Variants in MITD1 observed in about 807,000 individuals in gnomAD.
MITD1 encodes microtubule interacting and trafficking domain containing 1.
MITD1 carries 24 observed loss-of-function variants against 34.9 expected under a neutral mutation model. That is an observed-to-expected ratio of 0.69 (90% CI 0.50 to 0.97). MITD1 has a LOEUF of 0.97. MITD1 is among the 50% of genes least tolerant of loss of function. The pLI, the probability that MITD1 is intolerant of heterozygous loss-of-function variation, is 0.00. For synonymous variants in MITD1, 102 were observed against 101.4 expected (o/e 1.01, Z -0.04); for missense variants, 266 against 294.6 (o/e 0.90, Z 0.71).
At chr2:99,173,109 A>T (rs1169884415) in intron 2 of MITD1, 1 of 159,122 alleles carries the variant, frequency 6.3e-6, no homozygotes, top group Non-Finnish European at 1.4e-5. Context: ...GTAAAATTTC[A>T]TTCTAAATTT....
rs964379401 is a variant in MITD1 at position 99,171,458 on chromosome 2, A to C, written c.391-29T>G. 4.4e-6 allele frequency: 7 copies of C among 1,596,484 alleles called. No homozygotes were observed. The African/African-American group carries it at 6.7e-5, about 15-fold the overall frequency. On this transcript the variant is annotated intron_variant, in intron 3 of 6. Transcript: ENST00000289359. ...AAAGACATTAGAATGGATTATTACT[A>C]ATTTAGTACATTGAATATGATATTT...
intron 2 of MITD1, 152 bp downstream of exon 2, chr2:99,173,763 G>A (rs1443533322): frequency 3.0e-6 from 2 of 660,652 alleles, no homozygotes; most frequent in Non-Finnish European, 5.4e-6. Flanking sequence ...AACAACTCCT[G>A]TATGGGAGTG....
chr2:99,173,315 G>A (rs1435765774), intron 2 of MITD1: 1 of 330,088 alleles, frequency 3.0e-6, no homozygotes, highest in East Asian at 7.5e-5. Context: ...ATAGAAAGCA[G>A]CAAGTATGCA....
exon 8 of MITD1, chr2:99,162,060 C>T (rs757863480): frequency 1.2e-6 from 2 of 1,614,070 alleles, no homozygotes; most frequent in South Asian, 2.2e-5. Context: ...GCTCATTTTA[C>T]AGTCAATTTC....
At chr2:99,170,134 G>C (rs1186314717) in intron 5 of MITD1, among the ~76,000 whole-genome samples, 1 of 152,160 alleles carries the variant, frequency 6.6e-6, no homozygotes, top group Non-Finnish European at 1.5e-5. Flanking sequence ...TATAGACTCA[G>C]CAAATTGTCA....
chr2:99,171,222 T>C, intron 4 of MITD1, 121 bp downstream of exon 4: 1 of 736,614 alleles, frequency 1.4e-6, no homozygotes, highest in Non-Finnish European at 2.3e-6. Flanking sequence ...TGTTAGATAA[T>C]AAGTTAATTC....
chr2:99,179,297 G>C (rs1372539016), intron 1 of MITD1, among the ~76,000 whole-genome samples: 1 of 152,152 alleles, frequency 6.6e-6, no homozygotes, highest in Non-Finnish European at 1.5e-5. Context: ...CAGTATACCA[G>C]AGTCGTTGGG....
chr2:99,166,147 A>G (rs2093825617), downstream of MITD1, among the ~76,000 whole-genome samples: 1 of 152,056 alleles, frequency 6.6e-6, no homozygotes, highest in Non-Finnish European at 1.5e-5. Context: ...TTTTTTACTA[A>G]GAACACTTAA....
At chr2:99,162,760 C>G (rs2093806678) in intron 7 of MITD1, 4 of 1,614,122 alleles carry the variant, frequency 2.5e-6, no homozygotes, top group Non-Finnish European at 3.4e-6. Flanking sequence ...GAACTGCAAA[C>G]TTGGGAGTGG....
intron 2 of MITD1, chr2:99,173,473 TGA>T (rs1198230135): frequency 2.1e-6 from 1 of 470,408 alleles, no homozygotes; most frequent in African/African-American, 2.0e-5. Flanking sequence ...CAACAAAATC[TGA>T]GAGAAATCCC....
At chr2:99,174,291 A>T (rs2093874754) in intron 1 of MITD1, among the ~76,000 whole-genome samples, 1 of 152,188 alleles carries the variant, frequency 6.6e-6, no homozygotes, top group Non-Finnish European at 1.5e-5. Context: ...AAGGTGGCTC[A>T]TTACATGTCA....
At chr2:99,162,665 T>C in intron 7 of MITD1, 1 of 1,614,156 alleles carries the variant, frequency 6.2e-7, no homozygotes, top group Non-Finnish European at 8.5e-7. Context: ...CAGAGTATGC[T>C]GCTTATCATC....
chr2:99,171,193 T>G lies in MITD1; in HGVS notation c.477+150A>C, dbSNP rs990004589. Reference sequence around the variant, plus strand: ...GCATCCTAAAATCAATAACTTTTTTTATGACATGTTATGCATACTGTTAGA... The same window carrying G: ...GCATCCTAAAATCAATAACTTTTTTGATGACATGTTATGCATACTGTTAGA... On this transcript the variant is annotated intron_variant, in intron 4 of 6. Coordinates refer to ENST00000289359, the MANE Select transcript of MITD1 (RefSeq NM_138798.3). 4 of 610,088 alleles carry G rather than the reference T, an allele frequency of 6.6e-6. No individual in the cohort carries two copies. In the South Asian group the frequency reaches 9.1e-5, roughly 14 times the overall value. The allele number at this position is 610,088 out of a possible 1,614,324, so 37.8% of individuals were successfully genotyped here. A position where few individuals can be genotyped will look rare whatever the true frequency, so the allele number is the denominator to read the frequency against.
downstream of MITD1, among the ~76,000 whole-genome samples, chr2:99,167,813 A>T (rs2093833537): frequency 6.6e-6 from 1 of 152,194 alleles, no homozygotes; most frequent in African/African-American, 2.4e-5. Flanking sequence ...TTTGAGTCTA[A>T]AATTTTTCAG....
chr2:99,176,449 C>T (rs964936412), intron 1 of MITD1, among the ~76,000 whole-genome samples: 6 of 152,204 alleles, frequency 3.9e-5, no homozygotes, highest in Non-Finnish European at 5.9e-5. Context: ...CCTCAGCCTC[C>T]GGAGTAGCTG....
chr2:99,179,936 A>G (rs1178640337), intron 1 of MITD1, among the ~76,000 whole-genome samples: 2 of 152,142 alleles, frequency 1.3e-5, no homozygotes, highest in Admixed American at 6.5e-5. Context: ...AGCTTCTGTA[A>G]CACTTTAATT....
chr2:99,178,108 T>A (rs2093897597), intron 1 of MITD1, among the ~76,000 whole-genome samples: 1 of 152,218 alleles, frequency 6.6e-6, no homozygotes, highest in Non-Finnish European at 1.5e-5. Flanking sequence ...TTGGGTTGAT[T>A]CCCTATCTTA....
chr2:99,177,278 C>G (rs1227507649), intron 1 of MITD1, among the ~76,000 whole-genome samples: 1 of 152,166 alleles, frequency 6.6e-6, no homozygotes, highest in Non-Finnish European at 1.5e-5. Context: ...CAGGCTTGGA[C>G]CCTTACAGCC....
At chr2:99,168,013 T>C (rs1186511549), downstream of MITD1, among the ~76,000 whole-genome samples, 2 of 152,198 alleles carry the variant, frequency 1.3e-5, no homozygotes, top group Non-Finnish European at 2.9e-5. Flanking sequence ...CTACCTTTGG[T>C]CCTCTACACT....
Sources: gnomAD v4.1 joint callset for allele counts (sites outside exome capture counted in the v4.1 genomes callset) on GRCh38, gnomAD v4.1.1 for gene constraint, MANE v1.5 for transcripts, NCBI Gene and HGNC (gene_info 2026-07-23, HGNC 2026-07-21) for gene names.